OTOGL: variants seen among roughly 807,000 people sequenced by gnomAD.
The protein encoded by OTOGL is otogelin like, also known as otogelin-like protein.
OTOGL carries 285 observed loss-of-function variants against 318.5 expected under a neutral mutation model. The ratio of observed to expected loss-of-function variants is 0.89; its 90% CI spans 0.81 to 0.99. The LOEUF (loss-of-function observed/expected upper bound fraction) is 0.99, where lower values mean the gene tolerates loss of function less well. Among genes scored for constraint, OTOGL ranks in the 50% least tolerant of loss-of-function variants. OTOGL has a pLI of 0.00. For synonymous variants in OTOGL, 987 were observed against 936.5 expected (o/e 1.05, Z -0.99); for missense variants, 2,899 against 2,845.6 (o/e 1.02, Z -0.43).
rs572470654 is a variant in OTOGL, at chr12:80,256,232, CTCTCTT to C, written c.1588-100_1588-95del. ...CTCTCTTTCTTTTTTGTTCTCTCCT[CTCTCTT>C]TCTCCCCTTCTCCCTTTCTCCCATC... On this transcript the variant is annotated intron_variant, in intron 16 of 58. Coordinates refer to ENST00000547103, the MANE Select transcript of OTOGL (RefSeq NM_001378609.3). 543 of 1,268,366 alleles carry C rather than the reference CTCTCTT, an allele frequency of 4.3e-4. 2 individuals are homozygous for C. The African/African-American group carries it at 7.4e-3, about 17-fold the overall frequency. The allele number at this position is 1,268,366 out of a possible 1,614,324, so 78.6% of individuals were successfully genotyped here.
At chr12:80,210,811 A>C in intron 2 of OTOGL, 36 bp from the exon 3 acceptor site, 5 of 1,340,838 alleles carry the variant, frequency 3.7e-6, no homozygotes, top group Non-Finnish European at 5.0e-6. Context: ...ATATTTGGAT[A>C]ATTTTTTTTC....
intron 35 of OTOGL, among the ~76,000 whole-genome samples, chr12:80,328,146 A>C (rs572656406): frequency 6.6e-6 from 1 of 151,682 alleles, no homozygotes; most frequent in African/African-American, 2.4e-5. Context: ...ACGAAACCTC[A>C]TCTCTACAAA....
intron 24 of OTOGL, among the ~76,000 whole-genome samples, chr12:80,275,147 C>T (rs749530004): frequency 1.3e-5 from 2 of 151,796 alleles, no homozygotes; most frequent in African/African-American, 2.4e-5. Context: ...ATAGTGATTT[C>T]TCTGATGGAT....
chr12:80,352,431 A>G lies in OTOGL; in HGVS notation c.5402A>G (p.Tyr1801Cys), dbSNP rs773759905. The G allele has an allele frequency of 2.5e-6, 4 of 1,581,908 alleles. No homozygotes were observed. Among genetic ancestry groups the G allele is most frequent in the Non-Finnish European group, 3.4e-6 (4 of 1,170,136 alleles). The change falls in exon 45 of 59, where the codon TAC (tyrosine) becomes TGC (cysteine). Residue 1801 changes from tyrosine to cysteine, a missense_variant. Transcript: ENST00000547103. Reference sequence around the variant, plus strand: ...TGTATTCAGTGGAGAACACCTGATTACTGCTGTGAGTAACTGTTAACTGAA... The same window carrying G: ...TGTATTCAGTGGAGAACACCTGATTGCTGCTGTGAGTAACTGTTAACTGAA... ...DICIQWRTPD[Y>C]CSLSCPEGKE...
At chr12:80,342,980 C>G (rs994763934) in intron 44 of OTOGL, among the ~76,000 whole-genome samples, 9 of 152,116 alleles carry the variant, frequency 5.9e-5, no homozygotes, top group Admixed American at 2.0e-4. Flanking sequence ...CTCCCAGGTT[C>G]AAGTGATTCT....
intron 33 of OTOGL, among the ~76,000 whole-genome samples, chr12:80,319,561 A>C (rs994724645): frequency 6.6e-6 from 1 of 152,150 alleles, no homozygotes; most frequent in African/African-American, 2.4e-5. Flanking sequence ...GTAAAAATTT[A>C]TTATTCTTGG....
chr12:80,364,352 T>A (rs966306546), intron 52 of OTOGL, among the ~76,000 whole-genome samples: 5 of 152,206 alleles, frequency 3.3e-5, no homozygotes, highest in Admixed American at 3.3e-4. Flanking sequence ...TAGACGAATG[T>A]GTTTCAACCT....
chr12:80,109,296 A>G (rs1869686465), intron 1 of OTOGL, among the ~76,000 whole-genome samples: 1 of 152,174 alleles, frequency 6.6e-6, no homozygotes, highest in Non-Finnish European at 1.5e-5. Context: ...TTGTATTGAC[A>G]TGAATTCTAT....
chr12:80,376,460 A>G (rs1025862883), intron 57 of OTOGL, among the ~76,000 whole-genome samples: 1 of 152,200 alleles, frequency 6.6e-6, no homozygotes, highest in Non-Finnish European at 1.5e-5. Flanking sequence ...ATCATTAAAT[A>G]TAGATGCTTG....
intron 1 of OTOGL, among the ~76,000 whole-genome samples, chr12:80,165,357 G>T (rs1873767154): frequency 6.6e-6 from 1 of 152,062 alleles, no homozygotes; most frequent in South Asian, 2.1e-4. Flanking sequence ...TTTATCATGG[G>T]CCAACTATGT....
chr12:80,296,853 C>G lies in OTOGL; in HGVS notation c.2955C>G (p.Val985=), dbSNP rs776402586. Residue 985 remains valine (V), a synonymous_variant, in exon 27 of 59, where the codon GTC becomes GTG. Transcript: ENST00000547103. ...GTGCAGATGATTCAGATATATCTGT[C>G]ATTGCCCAGAACAAGAAATGCTTTG... is the stretch of plus-strand genomic sequence containing the variant. ...IKSADDSDIS[V]IAQNKKCFDN... is the part of the protein sequence containing the mutation. 7 of 1,520,862 alleles carry G rather than the reference C, an allele frequency of 4.6e-6. No homozygotes were observed. Among genetic ancestry groups the G allele is most frequent in the Non-Finnish European group, 5.3e-6 (6 of 1,134,056 alleles). The allele number at this position is 1,520,862 out of a possible 1,614,324, so 94.2% of individuals were successfully genotyped here.
At chr12:80,264,946 A>T (rs1882829249) in intron 19 of OTOGL, 55 bp from the exon 20 acceptor site, 2 of 1,538,726 alleles carry the variant, frequency 1.3e-6, no homozygotes, top group African/African-American at 2.7e-5. Flanking sequence ...TGCTTGGATA[A>T]TTCTGGGGTA....
chr12:80,160,329 A>G (rs1388889754), intron 1 of OTOGL, among the ~76,000 whole-genome samples: 1 of 152,124 alleles, frequency 6.6e-6, no homozygotes, highest in Non-Finnish European at 1.5e-5. Context: ...GAAAATCTTC[A>G]CAATTTATAC....
intron 24 of OTOGL, among the ~76,000 whole-genome samples, chr12:80,277,264 A>G (rs1194453759): frequency 6.8e-6 from 1 of 146,476 alleles, no homozygotes; most frequent in Non-Finnish European, 1.5e-5. Context: ...TTATTGTTCT[A>G]TTATTATTTT....
intron 1 of OTOGL, among the ~76,000 whole-genome samples, chr12:80,183,378 A>C (rs1875063185): frequency 6.6e-6 from 1 of 152,176 alleles, no homozygotes; most frequent in Non-Finnish European, 1.5e-5. Context: ...AGATGACTCC[A>C]AGTTCTTTTG....
chr12:80,183,426 T>A (rs1277499952), intron 1 of OTOGL, among the ~76,000 whole-genome samples: 2 of 152,224 alleles, frequency 1.3e-5, no homozygotes, highest in African/African-American at 4.8e-5. Flanking sequence ...ATCAGGTGGA[T>A]AATTACGTCT....
In OTOGL at chr12:80,379,606, GT is replaced by G. The variant is rs1891358386; in HGVS notation, c.*1560del. ...AGATATATAAAATTAAATGTTTTTG[GT>G]TAAAATATATTAATATTTCACTTAA... On this transcript the variant is annotated 3_prime_UTR_variant, in exon 59 of 59. Coordinates refer to ENST00000547103, the MANE Select transcript of OTOGL (RefSeq NM_001378609.3). 6.6e-6 allele frequency: 1 copy of G among 150,848 alleles called. No individual in the cohort carries two copies. Among genetic ancestry groups the G allele is most frequent in the Non-Finnish European group, 1.5e-5 (1 of 67,620 alleles). The allele number at this position is 150,848 out of a possible 1,614,324, so 9.3% of individuals were successfully genotyped here.
At chr12:80,115,829 C>A (rs1307517657) in intron 1 of OTOGL, among the ~76,000 whole-genome samples, 3 of 152,200 alleles carry the variant, frequency 2.0e-5, no homozygotes, top group Non-Finnish European at 4.4e-5. Context: ...TTTGAACTTC[C>A]TGGTGGCTTT....
In OTOGL at chr12:80,214,910, T is replaced by C. The variant is rs187034474; in HGVS notation, c.169-2688T>C. Among the ~76,000 whole-genome samples, 7 of 152,228 alleles carry C rather than the reference T, an allele frequency of 4.6e-5. No homozygotes were observed. The East Asian group carries it at 1.4e-3, about 29-fold the overall frequency. On this transcript the variant is annotated intron_variant, in intron 4 of 58. Transcript: ENST00000547103. Reference sequence around the variant, plus strand: ...GAGTTCAAATATGTCAATAAATAAATAAATAAAATCTGCATGTCACACCTT... The same window carrying C: ...GAGTTCAAATATGTCAATAAATAAACAAATAAAATCTGCATGTCACACCTT...
Sources: allele counts gnomAD v4.1 joint callset (sites outside exome capture counted in the v4.1 genomes callset), GRCh38; gene constraint gnomAD v4.1.1; transcripts MANE v1.5; gene names NCBI Gene and HGNC (gene_info 2026-07-23, HGNC 2026-07-21).